Variants in CNTNAP3B observed in about 807,000 individuals in gnomAD.
CNTNAP3B encodes contactin-associated protein-like 3B.
A neutral mutation model predicts 108.9 loss-of-function variants in CNTNAP3B; 25 were observed. That is an observed-to-expected ratio of 0.23 (90% CI 0.17 to 0.32). The LOEUF (loss-of-function observed/expected upper bound fraction) is 0.32, where lower values mean the gene tolerates loss of function less well. Among genes scored for constraint, CNTNAP3B ranks in the 10% least tolerant of loss-of-function variants. The pLI, the probability that CNTNAP3B is intolerant of heterozygous loss-of-function variation, is 1.00. For missense variants in CNTNAP3B, 252 were observed against 1,210.4 expected (o/e 0.21, Z 11.75); for synonymous variants, 103 against 473.4 (o/e 0.22, Z 10.16).
At chr9:41,939,999 C>T (rs1056270962) in intron 13 of CNTNAP3B, among the ~76,000 whole-genome samples, 3 of 152,282 alleles carry the variant, frequency 2.0e-5, no homozygotes, top group African/African-American at 7.2e-5. Flanking sequence ...TCTGAATGGG[C>T]TCAAGAATAG....
chr9:42,035,925 T>C (rs1826616408), intron 3 of CNTNAP3B, among the ~76,000 whole-genome samples: 1 of 140,768 alleles, frequency 7.1e-6, no homozygotes, highest in African/African-American at 2.8e-5. Context: ...CTGGCCAATA[T>C]GGTGAAACCA....
In CNTNAP3B at chr9:42,129,293, G is replaced by A. The variant is rs1345764547; in HGVS notation, c.-199C>T. On this transcript the variant is annotated 5_prime_UTR_variant, in exon 1 of 24. Transcript: ENST00000377561. ...CAGACCCTCCCGCCAAGCCGCGCCC[G>A]GCCCCAGCTGCGTCTCCGAGGTCGG... The A allele has an allele frequency of 1.4e-5, 9 of 641,142 alleles. No homozygotes were observed. The highest frequency in any genetic ancestry group is 1.9e-5 in the Non-Finnish European group (9 of 475,858). 39.7% of individuals were successfully genotyped at this position (641,142 alleles called of 1,614,324 possible).
chr9:42,016,851 A>AAT (rs1180158062), intron 3 of CNTNAP3B, among the ~76,000 whole-genome samples: 3 of 149,958 alleles, frequency 2.0e-5, no homozygotes, highest in South Asian at 4.2e-4. Context: ...TAAACTAGTT[A>AAT]ATATATATAA....
intron 10 of CNTNAP3B, among the ~76,000 whole-genome samples, chr9:41,967,520 C>A (rs542622800): frequency 6.6e-6 from 1 of 152,266 alleles, no homozygotes; most frequent in East Asian, 1.9e-4. Context: ...TGAGAACAGA[C>A]TAATACAATT....
chr9:41,958,486 G>T (rs1824946886), intron 12 of CNTNAP3B, among the ~76,000 whole-genome samples: 3 of 151,876 alleles, frequency 2.0e-5, no homozygotes, highest in Admixed American at 2.0e-4. Flanking sequence ...AACTGTAACT[G>T]CTGTAAAGAG....
intron 2 of CNTNAP3B, among the ~76,000 whole-genome samples, chr9:42,088,884 T>C (rs1199965523): frequency 7.1e-6 from 1 of 139,994 alleles, no homozygotes; most frequent in Non-Finnish European, 1.5e-5. Flanking sequence ...GCTTCTGACC[T>C]ATAAACTAAG....
chr9:42,124,190 C>G (rs1377967930), intron 1 of CNTNAP3B, among the ~76,000 whole-genome samples: 3 of 135,360 alleles, frequency 2.2e-5, no homozygotes. Context: ...TTCAATCACT[C>G]TTCGTATTAT....
At chr9:42,088,826 T>A (rs1232709558) in intron 2 of CNTNAP3B, among the ~76,000 whole-genome samples, 2 of 139,570 alleles carry the variant, frequency 1.4e-5, no homozygotes, top group African/African-American at 5.6e-5. Context: ...TTGTTGCATA[T>A]GTAAATTGGC....
chr9:42,056,448 T>A (rs1820015696), intron 3 of CNTNAP3B, among the ~76,000 whole-genome samples: 1 of 138,150 alleles, frequency 7.2e-6, no homozygotes, highest in Non-Finnish European at 1.5e-5. Context: ...CCTCCCGGGT[T>A]CACAGCATTC....
chr9:41,926,462 A>G (rs1823822018), intron 15 of CNTNAP3B, among the ~76,000 whole-genome samples: 1 of 152,296 alleles, frequency 6.6e-6, no homozygotes, highest in Admixed American at 6.5e-5. Context: ...TCATTAATCA[A>G]TTTATTTATT....
At chr9:41,968,132 G>A (rs1825336565) in intron 10 of CNTNAP3B, among the ~76,000 whole-genome samples, 1 of 152,076 alleles carries the variant, frequency 6.6e-6, no homozygotes, top group Admixed American at 6.5e-5. Context: ...CTGAAAAGAG[G>A]CAGCCTCACA....
chr9:41,961,878 G>A (rs1175653271), intron 11 of CNTNAP3B, among the ~76,000 whole-genome samples: 13 of 152,302 alleles, frequency 8.5e-5, no homozygotes, highest in Admixed American at 2.6e-4. Context: ...AATATCTGCA[G>A]GAGATGGACA....
chr9:42,021,889 G>A (rs1161303874), intron 3 of CNTNAP3B, among the ~76,000 whole-genome samples: 1 of 135,178 alleles, frequency 7.4e-6, no homozygotes, highest in Non-Finnish European at 1.6e-5. Flanking sequence ...ACAAAATTAT[G>A]GCAATGGGGA....
chr9:41,930,411 T>C (rs1823943881), intron 14 of CNTNAP3B, among the ~76,000 whole-genome samples: 2 of 152,310 alleles, frequency 1.3e-5, no homozygotes, highest in South Asian at 4.1e-4. Flanking sequence ...GGTGTGATGG[T>C]GCACACCTGT....
At chr9:41,954,785 G>A (rs1223506271) in intron 12 of CNTNAP3B, among the ~76,000 whole-genome samples, 2 of 152,254 alleles carry the variant, frequency 1.3e-5, no homozygotes, top group Non-Finnish European at 2.9e-5. Flanking sequence ...CTGGGTTCAA[G>A]CAGTTCTCCT....
intron 18 of CNTNAP3B, among the ~76,000 whole-genome samples, chr9:41,919,259 C>T (rs1205442848): frequency 1.8e-4 from 28 of 152,226 alleles, no homozygotes; most frequent in South Asian, 4.1e-4. Context: ...CTCAGCCTCC[C>T]GAGTAGCTGG....
intron 3 of CNTNAP3B, among the ~76,000 whole-genome samples, chr9:42,053,643 G>T (rs1403880459): frequency 7.1e-6 from 1 of 141,380 alleles, no homozygotes; most frequent in African/African-American, 2.8e-5. Context: ...GTGATGAGAT[G>T]ACAAACGTTT....
At position 41,920,241 on chromosome 9, in the gene CNTNAP3B, G is replaced by C. The variant is rs1823631722; in HGVS notation, c.2824C>G (p.Leu942Val). 6.3e-7 allele frequency: 1 copy of C among 1,599,020 alleles called. No homozygotes were observed. The highest frequency in any genetic ancestry group is 1.3e-5 in the African/African-American group (1 of 74,386). Reference sequence around the variant, plus strand: ...ACTGTGGCTCTTTCTTCCAGATCCAGGGCCACCCCGTTCAACTGCAGAGAC... The same window carrying C: ...ACTGTGGCTCTTTCTTCCAGATCCACGGCCACCCCGTTCAACTGCAGAGAC... ...IRSLQLNGVA[L>V]DLEERATVTP... The change falls in exon 18 of 24, where the codon CTG becomes GTG. Residue 942 changes from leucine (L) to valine (V), a missense_variant. Physicochemically the swap from Leu to Val is conservative, Grantham distance 32. Coordinates refer to ENST00000377561, the MANE Select transcript of CNTNAP3B (RefSeq NM_001201380.3).
Position 41,952,034 on chromosome 9 carries a change from G to T in CNTNAP3B, c.2080+1149C>A, listed in dbSNP as rs140845711. ...GAGCGGGTTGCAGTGAGCAAAGATC[G>T]TGCCACTGCACTCCAGCCTGGGTGA... On this transcript the variant is annotated intron_variant, in intron 13 of 23. Coordinates refer to ENST00000377561, the MANE Select transcript of CNTNAP3B (RefSeq NM_001201380.3). Among the ~76,000 whole-genome samples, 84 of 152,360 alleles carry T rather than the reference G, an allele frequency of 5.5e-4. No homozygotes were observed. In the East Asian group the frequency reaches 0.012, roughly 22 times the overall value.
Sources: allele counts gnomAD v4.1 joint callset (sites outside exome capture counted in the v4.1 genomes callset), GRCh38; gene constraint gnomAD v4.1.1; transcripts MANE v1.5; gene names NCBI Gene and HGNC (gene_info 2026-07-23, HGNC 2026-07-21).